WDPCP: variants seen among roughly 807,000 people sequenced by gnomAD.
WDPCP encodes WD repeat containing planar cell polarity effector.
In WDPCP, 71 loss-of-function variants were observed where a neutral mutation model predicts 93.1. The observed-to-expected ratio is 0.76, with a 90% confidence interval of 0.63 to 0.93. The LOEUF (loss-of-function observed/expected upper bound fraction) is 0.93, where lower values mean the gene tolerates loss of function less well. WDPCP is among the 40% of genes least tolerant of loss of function. The pLI is 0.00. For missense variants in WDPCP, 844 were observed against 887.4 expected, an observed-to-expected ratio of 0.95 and a Z score of 0.62; for synonymous variants, 315 against 315.0, an observed-to-expected ratio of 1.00 and a Z score of 0.00.
At position 63,285,433 on chromosome 2, in the gene WDPCP, C is replaced by CAA. The variant is rs749712426; in HGVS notation, c.1813-26026_1813-26025dup. Among the ~76,000 whole-genome samples, 14 of 50,808 alleles carry CAA rather than the reference C, an allele frequency of 2.8e-4. 2 individuals are homozygous for CAA. The highest frequency in any genetic ancestry group is 6.0e-4 in the South Asian group (1 of 1,678). The allele number at this position is 50,808 out of a possible 152,430, so 33.3% of individuals were successfully genotyped here. ...TGGGTGACAGAGTGAGACTCCATCTCAAAAAAAAAAAAAAAAAAGTCCAAA... is the reference window on the plus strand; with the variant it reads ...TGGGTGACAGAGTGAGACTCCATCTCAAAAAAAAAAAAAAAAAAAAGTCCAAA... On this transcript the variant is annotated intron_variant, in intron 13 of 17. Transcript: ENST00000272321.
At chr2:63,350,479 A>ACC (rs1558504642) in intron 12 of WDPCP, among the ~76,000 whole-genome samples, 2 of 140,660 alleles carry the variant, frequency 1.4e-5, no homozygotes, top group African/African-American at 5.0e-5. Flanking sequence ...CGAAACCCAA[A>ACC]AAAAAAAAAA....
At chr2:63,712,096 G>C (rs557678433) in intron 2 of WDPCP, among the ~76,000 whole-genome samples, 2 of 152,168 alleles carry the variant, frequency 1.3e-5, no homozygotes, top group East Asian at 3.8e-4. Context: ...ATGGGACTTA[G>C]AATCTCATTA....
chr2:63,776,017 T>C (rs1160283245), intron 2 of WDPCP, among the ~76,000 whole-genome samples: 4 of 151,684 alleles, frequency 2.6e-5, no homozygotes, highest in Non-Finnish European at 4.4e-5. Flanking sequence ...TGAGCTATGA[T>C]TGCACCACTG....
At chr2:63,732,175 A>T (rs1376078644) in intron 2 of WDPCP, among the ~76,000 whole-genome samples, 2 of 152,244 alleles carry the variant, frequency 1.3e-5, no homozygotes, top group Non-Finnish European at 2.9e-5. Context: ...GTGCTATGCA[A>T]TCATAGCTTT....
intron 2 of WDPCP, among the ~76,000 whole-genome samples, chr2:63,747,528 T>C (rs1251109322): frequency 1.3e-5 from 2 of 152,098 alleles, no homozygotes; most frequent in Non-Finnish European, 2.9e-5. Context: ...GTACCATTTA[T>C]TGAAAAACTC....
intron 12 of WDPCP, among the ~76,000 whole-genome samples, chr2:63,328,675 T>C (rs536424320): frequency 6.6e-6 from 1 of 152,308 alleles, no homozygotes; most frequent in Admixed American, 6.5e-5. Context: ...ATTACCACAC[T>C]CAATGCCATA....
intron 14 of WDPCP, among the ~76,000 whole-genome samples, chr2:63,246,258 G>C (rs1407341207): frequency 6.6e-6 from 1 of 152,080 alleles, no homozygotes; most frequent in Non-Finnish European, 1.5e-5. Context: ...CTAACAAAAA[G>C]GCATGGATCA....
At position 63,433,883 on chromosome 2, in the gene WDPCP, T is replaced by C; in HGVS notation, c.687A>G (p.Leu229=). 6.2e-7 allele frequency: 1 copy of C among 1,613,978 alleles called. No individual in the cohort carries two copies. The highest frequency in any genetic ancestry group is 8.5e-7 in the Non-Finnish European group (1 of 1,179,928). ...GPINKTTERH[L]AINCVHDRVV... ...CTCTATCATGAACACAGTTGATAGCTAGATGTCGCTCTGTTGTCTTGTTTA... is the reference window on the plus strand; with the variant it reads ...CTCTATCATGAACACAGTTGATAGCCAGATGTCGCTCTGTTGTCTTGTTTA... Residue 229 remains leucine, a synonymous_variant, in exon 9 of 18, where the codon CTA becomes CTG. Transcript: ENST00000272321.
At chr2:63,297,103 G>A (rs547767226) in intron 13 of WDPCP, among the ~76,000 whole-genome samples, 3 of 152,236 alleles carry the variant, frequency 2.0e-5, no homozygotes, top group Admixed American at 6.5e-5. Context: ...GAAGAGACCC[G>A]GAGCCAGCAA....
chr2:63,395,980 C>T (rs1162048180), intron 10 of WDPCP, among the ~76,000 whole-genome samples: 1 of 152,142 alleles, frequency 6.6e-6, no homozygotes, highest in East Asian at 1.9e-4. Flanking sequence ...CCGCCCACCT[C>T]GGCCTCCTAA....
At chr2:63,708,489 G>A (rs943766482) in intron 2 of WDPCP, among the ~76,000 whole-genome samples, 8 of 152,344 alleles carry the variant, frequency 5.3e-5, no homozygotes, top group African/African-American at 1.9e-4. Flanking sequence ...CACAGTATTA[G>A]GGTGGGAGTG....
chr2:63,303,692 T>C (rs1470431069), intron 13 of WDPCP, among the ~76,000 whole-genome samples: 1 of 152,262 alleles, frequency 6.6e-6, no homozygotes, highest in African/African-American at 2.4e-5. Context: ...CGGTAAAGAT[T>C]CACCGTTCTC....
At chr2:63,242,338 C>T (rs1679920759) in intron 14 of WDPCP, among the ~76,000 whole-genome samples, 1 of 152,104 alleles carries the variant, frequency 6.6e-6, no homozygotes, top group Admixed American at 6.6e-5. Flanking sequence ...TTGTAGACCG[C>T]CACATTAAGT....
intron 1 of WDPCP, among the ~76,000 whole-genome samples, chr2:63,517,080 C>T (rs1188672459): frequency 6.6e-6 from 1 of 152,232 alleles, no homozygotes; most frequent in Non-Finnish European, 1.5e-5. Context: ...TAAACTACAT[C>T]CTAATCTTTC....
At chr2:63,464,622 T>C (rs1699227634) in intron 6 of WDPCP, among the ~76,000 whole-genome samples, 1 of 151,490 alleles carries the variant, frequency 6.6e-6, no homozygotes, top group Non-Finnish European at 1.5e-5. Context: ...CTCTAAGAGG[T>C]GGAAGCAATC....
In WDPCP at chr2:63,179,965, T is replaced by G. The variant is rs535961279; in HGVS notation, c.1916-5133A>C. On this transcript the variant is annotated intron_variant, in intron 14 of 17. Coordinates refer to ENST00000272321, the MANE Select transcript of WDPCP (RefSeq NM_015910.7). ...TCCATGTGCACTTGAAAATAATGTG[T>G]TTTTTTTGCAGTTGATGGGTGAGTG... Among the ~76,000 whole-genome samples, 38 of 151,952 alleles carry G rather than the reference T, an allele frequency of 2.5e-4. No homozygotes were observed. The South Asian group carries it at 7.3e-3, about 29-fold the overall frequency.
chr2:63,479,601 T>C lies in WDPCP; in HGVS notation c.384+5003A>G, dbSNP rs188138039. Among the ~76,000 whole-genome samples, 3 of 152,126 alleles carry C rather than the reference T, an allele frequency of 2.0e-5. No individual in the cohort carries two copies. The East Asian group carries it at 5.8e-4, about 29-fold the overall frequency. On this transcript the variant is annotated intron_variant, in intron 6 of 17. Coordinates refer to ENST00000272321, the MANE Select transcript of WDPCP (RefSeq NM_015910.7). ...AACAAAAATCACATGATCATCTCAA[T>C]AGATGCAGAAAAAGCATTCGACAAA... is the stretch of plus-strand genomic sequence containing the variant.
intron 3 of WDPCP, chr2:63,643,133 G>C (rs192782930): frequency 1.8e-5 from 3 of 169,260 alleles, no homozygotes; most frequent in Non-Finnish European, 3.7e-5. Context: ...CATATTCATA[G>C]ACTTGTGTAT....
At chr2:63,148,261 A>G (rs1671659658) in intron 17 of WDPCP, among the ~76,000 whole-genome samples, 1 of 152,072 alleles carries the variant, frequency 6.6e-6, no homozygotes, top group Non-Finnish European at 1.5e-5. Flanking sequence ...TGGGAGGTTA[A>G]GGCTGCAGTG....
Sources: gnomAD v4.1 joint callset for allele counts (sites outside exome capture counted in the v4.1 genomes callset) on GRCh38, gnomAD v4.1.1 for gene constraint, MANE v1.5 for transcripts, NCBI Gene and HGNC (gene_info 2026-07-23, HGNC 2026-07-21) for gene names.